The following SPAG16 variants were observed in gnomAD, a reference collection of about 807,000 sequenced individuals.
SPAG16 encodes the protein sperm-associated antigen 16 protein.
In SPAG16, 86 loss-of-function variants were observed where a neutral mutation model predicts 80.4. The ratio of observed to expected loss-of-function variants is 1.07; its 90% CI spans 0.90 to 1.28. The LOEUF is 1.28. SPAG16 is among the 50% of genes most tolerant of loss of function. SPAG16 has a pLI of 0.00. For missense variants in SPAG16, 870 were observed against 765.3 expected, an observed-to-expected ratio of 1.14 and a Z score of -1.61; for synonymous variants, 294 against 265.9, an observed-to-expected ratio of 1.11 and a Z score of -1.03.
intron 10 of SPAG16, among the ~76,000 whole-genome samples, chr2:213,602,408 C>T (rs2061100666): frequency 6.6e-6 from 1 of 152,120 alleles, no homozygotes; most frequent in East Asian, 1.9e-4. Context: ...CTGAGGCGGG[C>T]AGATCACGAG....
intron 13 of SPAG16, among the ~76,000 whole-genome samples, chr2:214,068,550 A>T (rs2050637965): frequency 6.6e-6 from 1 of 152,122 alleles, no homozygotes; most frequent in African/African-American, 2.4e-5. Context: ...TCCTAGGAAT[A>T]TAAAAAGGAT....
At chr2:213,902,203 A>C (rs1284398602) in intron 11 of SPAG16, among the ~76,000 whole-genome samples, 1 of 152,232 alleles carries the variant, frequency 6.6e-6, no homozygotes, top group East Asian at 1.9e-4. Context: ...ATACCAAAGA[A>C]TAAAGAAGTA....
chr2:213,587,104 CGAGCAGCCCTGTCCTTATAGTTCCATG>C (rs1343442394), intron 10 of SPAG16, among the ~76,000 whole-genome samples: 1 of 152,130 alleles, frequency 6.6e-6, no homozygotes, highest in Non-Finnish European at 1.5e-5. Context: ...CAGTAGTCTC[CGAGCAGCCCTGTCCTTATAGTTCCATG>C]GAGCATTTCC....
At chr2:213,286,130 T>C (rs977278671) in intron 1 of SPAG16, among the ~76,000 whole-genome samples, 18 of 152,350 alleles carry the variant, frequency 1.2e-4, no homozygotes, top group Non-Finnish European at 1.6e-4. Context: ...TGCCAAGATG[T>C]AGCAGTTTGC....
intron 10 of SPAG16, among the ~76,000 whole-genome samples, chr2:213,515,396 T>C (rs1275133464): frequency 6.6e-6 from 1 of 152,178 alleles, no homozygotes; most frequent in Non-Finnish European, 1.5e-5. Flanking sequence ...CAAAGTCCTC[T>C]ATACTTCATC....
intron 13 of SPAG16, among the ~76,000 whole-genome samples, chr2:214,096,273 T>C (rs960614076): frequency 1.5e-5 from 2 of 135,106 alleles, no homozygotes; most frequent in Non-Finnish European, 1.6e-5. Context: ...GTTGGTTTTT[T>C]TAATGCAAAA....
At chr2:213,918,696 G>A (rs1175822122) in intron 11 of SPAG16, among the ~76,000 whole-genome samples, 1 of 152,124 alleles carries the variant, frequency 6.6e-6, no homozygotes, top group Non-Finnish European at 1.5e-5. Context: ...GTGGAACTGT[G>A]AGTCTATTAA....
At chr2:213,323,345 G>A (rs1332810831) in intron 5 of SPAG16, among the ~76,000 whole-genome samples, 3 of 152,152 alleles carry the variant, frequency 2.0e-5, no homozygotes, top group Non-Finnish European at 4.4e-5. Context: ...GGAGGCTGAG[G>A]CAGGAGAATG....
At chr2:213,493,554 C>G (rs1404877016) in intron 10 of SPAG16, among the ~76,000 whole-genome samples, 6 of 152,060 alleles carry the variant, frequency 3.9e-5, no homozygotes. Flanking sequence ...CTTTCAGTGA[C>G]TGCCACTAGT....
At chr2:213,746,487 A>G (rs916210933) in intron 10 of SPAG16, among the ~76,000 whole-genome samples, 3 of 152,168 alleles carry the variant, frequency 2.0e-5, no homozygotes, top group Non-Finnish European at 4.4e-5. Context: ...ATGTAAATAA[A>G]CCTACTGCAC....
intron 11 of SPAG16, among the ~76,000 whole-genome samples, chr2:213,884,386 C>A (rs890328566): frequency 6.6e-6 from 1 of 152,078 alleles, no homozygotes; most frequent in Non-Finnish European, 1.5e-5. Context: ...GTGCTAGTTT[C>A]TTCCATATGT....
At chr2:213,295,946 A>G (rs2062478014) in intron 1 of SPAG16, 118 bp from the exon 2 acceptor site, 5 of 754,348 alleles carry the variant, frequency 6.6e-6, no homozygotes, top group African/African-American at 1.8e-5. Context: ...AATTATATAT[A>G]TTTACCAACT....
At chr2:214,067,458 G>T (rs2050583660) in intron 13 of SPAG16, among the ~76,000 whole-genome samples, 1 of 152,070 alleles carries the variant, frequency 6.6e-6, no homozygotes, top group African/African-American at 2.4e-5. Flanking sequence ...TCTACTGCAT[G>T]CATAAAGCCA....
intron 13 of SPAG16, among the ~76,000 whole-genome samples, chr2:214,066,092 C>A (rs11684113): frequency 0.21 from 31,369 of 152,048 alleles, 3,633 homozygotes; most frequent in Middle Eastern, 0.27. Context: ...CCACTATCAC[C>A]ATATTTATCT....
At chr2:213,836,168 C>T in intron 10 of SPAG16, among the ~76,000 whole-genome samples, 2 of 110,672 alleles carry the variant, frequency 1.8e-5, no homozygotes, top group African/African-American at 3.3e-5. Flanking sequence ...AAGGAATTTT[C>T]ATTATTCGCC....
chr2:213,385,192 C>T (rs73077065), intron 9 of SPAG16, among the ~76,000 whole-genome samples: 4 of 152,268 alleles, frequency 2.6e-5, no homozygotes, highest in African/African-American at 9.6e-5. Context: ...TGTATCCACT[C>T]TCACAGGCTC....
intron 3 of SPAG16, among the ~76,000 whole-genome samples, chr2:213,297,846 A>G (rs2062574221): frequency 6.6e-6 from 1 of 152,136 alleles, no homozygotes; most frequent in African/African-American, 2.4e-5. Context: ...AGTGCATAAA[A>G]CTGATGGCAT....
intron 12 of SPAG16, among the ~76,000 whole-genome samples, chr2:213,974,438 A>G (rs1352825486): frequency 1.3e-5 from 2 of 151,986 alleles, no homozygotes; most frequent in African/African-American, 2.4e-5. Flanking sequence ...AACCATTATG[A>G]CACCTAAGAT....
intron 15 of SPAG16, among the ~76,000 whole-genome samples, chr2:214,199,784 G>A (rs185958581): frequency 3.3e-5 from 5 of 152,206 alleles, no homozygotes; most frequent in East Asian, 1.9e-4. Context: ...TTTGAGTAGC[G>A]TTTTGTAATT....
Sources: allele counts gnomAD v4.1 joint callset (sites outside exome capture counted in the v4.1 genomes callset), GRCh38; gene constraint gnomAD v4.1.1; transcripts MANE v1.5; gene names NCBI Gene and HGNC (gene_info 2026-07-23, HGNC 2026-07-21).